Variants in IQCJ observed in about 807,000 individuals in gnomAD.
The protein encoded by IQCJ is IQ domain-containing protein J.
Under a neutral mutation model 11.0 loss-of-function variants are expected in IQCJ, and 9 were observed. That is an observed-to-expected ratio of 0.82 (90% confidence interval 0.49 to 1.43). The LOEUF (loss-of-function observed/expected upper bound fraction) is 1.43, where lower values mean the gene tolerates loss of function less well. Ranked by LOEUF, IQCJ falls within the 40% of genes most tolerant of loss-of-function variation. The pLI is 0.00. For synonymous variants in IQCJ, 55 were observed against 51.3 expected (o/e 1.07, Z -0.31); for missense variants, 146 against 133.2 (o/e 1.10, Z -0.47).
chr3:159,118,794 C>G lies in IQCJ; in HGVS notation c.9+49353C>G, dbSNP rs182451534. 5.9e-5 allele frequency among the ~76,000 whole-genome samples: 9 copies of G among 152,240 alleles called. No individual in the cohort carries two copies. The East Asian group carries it at 1.7e-3, about 29-fold the overall frequency. ...TTAGTAACATCTTTGGCATCTTCTC[C>G]TTATATTGGAAACCCCTTGAAAGCA... On this transcript the variant is annotated intron_variant, in intron 1 of 3. Coordinates refer to ENST00000397832, the MANE Select transcript of IQCJ (RefSeq NM_001042706.3).
At chr3:159,245,948 A>G (rs1356223687) in intron 2 of IQCJ, 41 bp downstream of exon 2, 1 of 1,423,802 alleles carries the variant, frequency 7.0e-7, no homozygotes, top group African/African-American at 1.4e-5. Flanking sequence ...GCAAGGTTGG[A>G]AAGCTTGAGT....
chr3:159,132,657 C>T (rs987196301), intron 1 of IQCJ, among the ~76,000 whole-genome samples: 1 of 152,154 alleles, frequency 6.6e-6, no homozygotes, highest in Non-Finnish European at 1.5e-5. Flanking sequence ...TCTTACTAAC[C>T]GATAAGGCCA....
chr3:159,102,106 A>G (rs1717969186), intron 1 of IQCJ, among the ~76,000 whole-genome samples: 1 of 152,236 alleles, frequency 6.6e-6, no homozygotes, highest in Non-Finnish European at 1.5e-5. Flanking sequence ...ATGTTCACCT[A>G]AAATGATTCC....
intron 3 of IQCJ, among the ~76,000 whole-genome samples, chr3:159,254,200 G>C (rs1345633071): frequency 6.6e-6 from 1 of 152,170 alleles, no homozygotes; most frequent in East Asian, 1.9e-4. Flanking sequence ...AAGAAAAGTT[G>C]GTGTATGACA....
At chr3:159,202,055 A>G (rs915055168) in intron 1 of IQCJ, among the ~76,000 whole-genome samples, 19 of 152,086 alleles carry the variant, frequency 1.2e-4, no homozygotes, top group Non-Finnish European at 2.5e-4. Context: ...AACTCATTTC[A>G]CTTCTTATTG....
chr3:159,083,013 A>G (rs1232786289), intron 1 of IQCJ, among the ~76,000 whole-genome samples: 1 of 152,200 alleles, frequency 6.6e-6, no homozygotes, highest in East Asian at 1.9e-4. Flanking sequence ...TAAAAAGTGT[A>G]GACAAAAATA....
At chr3:159,222,240 C>T (rs1725593892) in intron 1 of IQCJ, among the ~76,000 whole-genome samples, 1 of 152,138 alleles carries the variant, frequency 6.6e-6, no homozygotes, top group African/African-American at 2.4e-5. Flanking sequence ...GATACAGAAA[C>T]AAGTGTCTGT....
At chr3:159,225,076 A>G (rs1006206505) in intron 1 of IQCJ, among the ~76,000 whole-genome samples, 1 of 152,228 alleles carries the variant, frequency 6.6e-6, no homozygotes, top group African/African-American at 2.4e-5. Context: ...TGTACCTGAT[A>G]GATTTATAAT....
chr3:159,124,026 CT>C (rs1719531404), intron 1 of IQCJ, among the ~76,000 whole-genome samples: 1 of 152,174 alleles, frequency 6.6e-6, no homozygotes, highest in Non-Finnish European at 1.5e-5. Flanking sequence ...CACCTTGTGT[CT>C]CATACTATGT....
intron 1 of IQCJ, among the ~76,000 whole-genome samples, chr3:159,165,039 A>G (rs947366437): frequency 1.3e-5 from 2 of 151,922 alleles, no homozygotes; most frequent in Non-Finnish European, 2.9e-5. Context: ...AAAATTAGGC[A>G]CATGATTACA....
chr3:159,160,508 T>C (rs1286360010), intron 1 of IQCJ, among the ~76,000 whole-genome samples: 2 of 151,634 alleles, frequency 1.3e-5, no homozygotes, highest in Non-Finnish European at 1.5e-5. Context: ...GTGATTTATA[T>C]TTTTATTTTT....
At chr3:159,120,702 G>C (rs1719316859) in intron 1 of IQCJ, among the ~76,000 whole-genome samples, 1 of 152,198 alleles carries the variant, frequency 6.6e-6, no homozygotes, top group Admixed American at 6.5e-5. Context: ...GTATATGACT[G>C]TTTACAGGTA....
intron 1 of IQCJ, among the ~76,000 whole-genome samples, chr3:159,150,759 T>A (rs762264222): frequency 3.9e-5 from 6 of 152,148 alleles, no homozygotes; most frequent in Non-Finnish European, 5.9e-5. Context: ...AATGATTGAG[T>A]GCCTCTGTTA....
chr3:159,125,023 T>G (rs980021660), intron 1 of IQCJ, among the ~76,000 whole-genome samples: 5 of 152,174 alleles, frequency 3.3e-5, no homozygotes, highest in Non-Finnish European at 7.4e-5. Context: ...TCCTTTAGTG[T>G]GGGATGCACA....
chr3:159,116,049 C>G (rs138584741), intron 1 of IQCJ, among the ~76,000 whole-genome samples: 1 of 152,112 alleles, frequency 6.6e-6, no homozygotes, highest in East Asian at 1.9e-4. Context: ...TGCACATGTA[C>G]CCCAGAACTT....
intron 1 of IQCJ, among the ~76,000 whole-genome samples, chr3:159,189,750 G>A (rs140863408): frequency 5.2e-4 from 79 of 152,242 alleles, no homozygotes; most frequent in African/African-American, 1.8e-3. Context: ...GTCACTAGTC[G>A]TTCCCCTTCT....
chr3:159,147,199 A>G (rs1424693105), intron 1 of IQCJ, among the ~76,000 whole-genome samples: 1 of 152,234 alleles, frequency 6.6e-6, no homozygotes, highest in East Asian at 1.9e-4. Flanking sequence ...TAAGGATGGG[A>G]GAATAGACAG....
intron 1 of IQCJ, among the ~76,000 whole-genome samples, chr3:159,203,703 T>C (rs556794169): frequency 3.7e-4 from 56 of 152,088 alleles, no homozygotes; most frequent in African/African-American, 1.3e-3. Context: ...ACAGAGGGAT[T>C]GAGCAAGGCT....
chr3:159,107,701 C>T (rs1398902618), intron 1 of IQCJ, among the ~76,000 whole-genome samples: 1 of 152,144 alleles, frequency 6.6e-6, no homozygotes, highest in African/African-American at 2.4e-5. Context: ...AACCAATGAG[C>T]TAAGTTCAGT....
Sources: allele counts gnomAD v4.1 joint callset (sites outside exome capture counted in the v4.1 genomes callset), GRCh38; gene constraint gnomAD v4.1.1; transcripts MANE v1.5; gene names NCBI Gene and HGNC (gene_info 2026-07-23, HGNC 2026-07-21).